Variants in EHD1 observed in about 807,000 individuals in gnomAD.
EHD1 encodes the protein EH domain-containing protein 1.
Under a neutral mutation model 39.0 loss-of-function variants are expected in EHD1, and 19 were observed. The observed-to-expected ratio is 0.49, with a 90% CI of 0.34 to 0.72. The LOEUF is 0.72. Ranked by LOEUF, EHD1 falls within the 30% of genes least tolerant of loss-of-function variation. The pLI, the probability that EHD1 is intolerant of heterozygous loss-of-function variation, is 0.01. For missense variants in EHD1, 542 were observed against 751.5 expected (o/e 0.72, Z 3.26); for synonymous variants, 323 against 331.2 (o/e 0.98, Z 0.27).
intron 2 of EHD1, among the ~76,000 whole-genome samples, chr11:64,864,371 C>T (rs1014446310): frequency 2.6e-5 from 4 of 152,370 alleles, no homozygotes; most frequent in Admixed American, 2.6e-4. Context: ...TTCCAAAGTA[C>T]AAGGCCCCGG....
rs1447700222 is a variant in EHD1 at position 64,853,237 on chromosome 11, G to A, written c.*1096C>T. ...AGGAGGAAGGAAGGTAGGAAATGAA[G>A]GGGGATTACAGAAGGGGCTGGGTTT... On this transcript the variant is annotated 3_prime_UTR_variant, in exon 5 of 5. Transcript: ENST00000320631. 1.3e-5 allele frequency: 2 copies of A among 152,382 alleles called. No individual in the cohort carries two copies. Among genetic ancestry groups the A allele is most frequent in the African/African-American group, 4.8e-5 (2 of 41,476 alleles). 9.4% of individuals were successfully genotyped at this position (152,382 alleles called of 1,614,324 possible). A position where few individuals can be genotyped will look rare whatever the true frequency, so the allele number is the denominator to read the frequency against.
At position 64,853,181 on chromosome 11, in the gene EHD1, T is replaced by C. The variant is rs1943601492; in HGVS notation, c.*1152A>G. ...GGGGGCCAGGGGCGTTGTAAGGACA[T>C]CCAAGTGAGCTGCCCTCCTTTGCTA... On this transcript the variant is annotated 3_prime_UTR_variant, in exon 5 of 5. Coordinates refer to ENST00000320631, the MANE Select transcript of EHD1 (RefSeq NM_006795.4). 6.6e-6 allele frequency: 1 copy of C among 152,228 alleles called. No individual in the cohort carries two copies. Among genetic ancestry groups the C allele is most frequent in the Admixed American group, 6.5e-5 (1 of 15,282 alleles). The allele number at this position is 152,228 out of a possible 1,614,324, so 9.4% of individuals were successfully genotyped here.
In EHD1 at chr11:64,854,633, G is replaced by A. The variant is rs747015075; in HGVS notation, c.1305C>T (p.Asp435=). 3.6e-5 allele frequency: 58 copies of A among 1,613,806 alleles called. No individual in the cohort carries two copies. Among genetic ancestry groups the A allele is most frequent in the African/African-American group, 6.7e-5 (5 of 74,898 alleles). Residue 435 remains aspartate, a synonymous_variant, in exon 5 of 5, where the codon GAC becomes GAT. Coordinates refer to ENST00000320631, the MANE Select transcript of EHD1 (RefSeq NM_006795.4). ...CCTTGCCCACCACCCACTCCACGTC[G>A]TCGATGCCCTCGCCGGCCCCCTCGC... ...GYGEGAGEGI[D]DVEWVVGKDK...
Position 64,866,030 on chromosome 11 carries a change from T to A in EHD1, c.503-5694A>T, listed in dbSNP as rs543986599. On this transcript the variant is annotated intron_variant, in intron 2 of 4. Transcript: ENST00000320631. ...GGGCATAAACCCTAAGGAAGAGAAA[T>A]CATTCTGCCATAAGGACACATGCAC... Among the ~76,000 whole-genome samples the A allele has an allele frequency of 2.2e-4, 33 of 152,194 alleles. No homozygotes were observed. In the South Asian group the frequency reaches 6.2e-3, roughly 29 times the overall value.
At chr11:64,866,324 A>G (rs1943766320) in intron 2 of EHD1, among the ~76,000 whole-genome samples, 1 of 152,192 alleles carries the variant, frequency 6.6e-6, no homozygotes, top group African/African-American at 2.4e-5. Context: ...GGTGTGAAAC[A>G]TTGAGTACAC....
At chr11:64,877,990 G>A (rs1229442863) in intron 1 of EHD1, 71 bp downstream of exon 1, 8 of 1,414,178 alleles carry the variant, frequency 5.7e-6, no homozygotes, top group Non-Finnish European at 7.4e-6. Context: ...GACAGCCACG[G>A]GAGGGTCAGG....
upstream of EHD1, chr11:64,879,658 G>T (rs1247680780): frequency 6.4e-7 from 1 of 1,550,668 alleles, no homozygotes; most frequent in Non-Finnish European, 8.7e-7. Context: ...CATCCTCCCC[G>T]GCCACACACA....
chr11:64,874,039 C>T (rs1394742827), intron 2 of EHD1, among the ~76,000 whole-genome samples: 1 of 150,790 alleles, frequency 6.6e-6, no homozygotes, highest in African/African-American at 2.4e-5. Flanking sequence ...GGTGTGGCGG[C>T]TCACGCCTGT....
intron 2 of EHD1, among the ~76,000 whole-genome samples, chr11:64,866,643 C>T (rs2136489680): frequency 6.6e-6 from 1 of 151,422 alleles, no homozygotes; most frequent in East Asian, 1.9e-4. Flanking sequence ...TGTGCCACTG[C>T]ACTCCCAGCC....
At position 64,878,271 on chromosome 11, in the gene EHD1, C is replaced by T; in HGVS notation, c.194G>A (p.Gly65Glu). The T allele has an allele frequency of 6.2e-7, 1 of 1,614,200 alleles. No homozygotes were observed. The highest frequency in any genetic ancestry group is 8.5e-7 in the Non-Finnish European group (1 of 1,180,040). Residue 65 changes from glycine to glutamate, a missense_variant, in exon 1 of 5, where the codon GGG (glycine) becomes GAG (glutamate). Coordinates refer to ENST00000320631, the MANE Select transcript of EHD1 (RefSeq NM_006795.4). ...GGTGGTCTTGCCCGTGCTGTACTGCCCCACGAGGAGCACCATAGGCTTGTT... is the reference window on the plus strand; with the variant it reads ...GGTGGTCTTGCCCGTGCTGTACTGCTCCACGAGGAGCACCATAGGCTTGTT... ...FDNKPMVLLV[G>E]QYSTGKTTFI...
At chr11:64,867,788 A>G (rs1306496879) in intron 2 of EHD1, among the ~76,000 whole-genome samples, 2 of 152,252 alleles carry the variant, frequency 1.3e-5, no homozygotes, top group African/African-American at 4.8e-5. Context: ...ATTTTATCAC[A>G]ATTTTTAAAA....
At position 64,852,106 on chromosome 11, in the gene EHD1, G is replaced by C. The variant is rs570320332; in HGVS notation, c.*2227C>G. 6 of 152,358 alleles carry C rather than the reference G, an allele frequency of 3.9e-5. No homozygotes were observed. Among genetic ancestry groups the C allele is most frequent in the African/African-American group, 1.4e-4 (6 of 41,556 alleles). 9.4% of individuals were successfully genotyped at this position (152,358 alleles called of 1,614,324 possible). A position where few individuals can be genotyped will look rare whatever the true frequency, so the allele number is the denominator to read the frequency against. On this transcript the variant is annotated 3_prime_UTR_variant, in exon 5 of 5. Transcript: ENST00000320631. ...GTTTCTGTCCTGCCTTCTGCCAGAG[G>C]GGCTGGAGCAGCCTCTACCCATGGC...
In EHD1 at chr11:64,854,812, G is replaced by A. The variant is rs1565715275; in HGVS notation, c.1126C>T (p.Pro376Ser). 6.2e-7 allele frequency: 1 copy of A among 1,601,990 alleles called. No individual in the cohort carries two copies. The highest frequency in any genetic ancestry group is 1.7e-5 in the Admixed American group (1 of 60,022). ...QDFSKFQALK[P>S]KLLDTVDDML... ...TCATCCACCGTGTCCAGCAGCTTGGGCTTCAGCGCCTGGAACTTGCTGAAG... is the reference window on the plus strand; with the variant it reads ...TCATCCACCGTGTCCAGCAGCTTGGACTTCAGCGCCTGGAACTTGCTGAAG... The change falls in exon 5 of 5, where the codon CCC becomes TCC. Residue 376 changes from proline (P) to serine (S), a missense_variant. Transcript: ENST00000320631.
rs751340054 is a variant in EHD1, at chr11:64,854,775, T to G, written c.1163A>C (p.Asn388Thr). 13 of 1,607,432 alleles carry G rather than the reference T, an allele frequency of 8.1e-6. No individual in the cohort carries two copies. The highest frequency in any genetic ancestry group is 1.1e-5 in the Non-Finnish European group (13 of 1,179,974). Residue 388 changes from asparagine (N) to threonine (T), a missense_variant, in exon 5 of 5, where the codon AAC becomes ACC. Asn to Thr is a moderately conservative substitution (Grantham distance 65, BLOSUM62 0). Coordinates refer to ENST00000320631, the MANE Select transcript of EHD1 (RefSeq NM_006795.4). The part of the protein sequence containing the change: ...LLDTVDDMLA[N>T]DIARLMVMVR... ...CATCACCATCAGCCGCGCGATGTCG[T>G]TGGCCAGCATGTCATCCACCGTGTC...
At chr11:64,876,218 G>A (rs1943883940) in intron 1 of EHD1, among the ~76,000 whole-genome samples, 1 of 152,222 alleles carries the variant, frequency 6.6e-6, no homozygotes, top group Admixed American at 6.5e-5. Flanking sequence ...GCCACATAGG[G>A]GGAGAAGGCC....
chr11:64,859,727 A>C (rs2136480181), intron 3 of EHD1, 197 bp downstream of exon 3: 9 of 715,746 alleles, frequency 1.3e-5, no homozygotes, highest in African/African-American at 1.8e-5. Context: ...GAGGCCGGGT[A>C]GAGAATCTTA....
At chr11:64,864,830 C>T (rs1269858922) in intron 2 of EHD1, among the ~76,000 whole-genome samples, 1 of 152,126 alleles carries the variant, frequency 6.6e-6, no homozygotes. Flanking sequence ...GGAGTCAGGA[C>T]GGCGCCTGGG....
At chr11:64,857,993 G>A (rs1943671526) in intron 3 of EHD1, among the ~76,000 whole-genome samples, 1 of 150,904 alleles carries the variant, frequency 6.6e-6, no homozygotes, top group Non-Finnish European at 1.5e-5. Flanking sequence ...GCTCCGGCCT[G>A]GCTGGCCTGG....
intron 3 of EHD1, among the ~76,000 whole-genome samples, chr11:64,857,296 C>T (rs773704949): frequency 1.3e-5 from 2 of 152,020 alleles, no homozygotes; most frequent in South Asian, 2.1e-4. Context: ...TGGTGACGGG[C>T]GCCTGCAATC....
Sources: allele counts gnomAD v4.1 joint callset (sites outside exome capture counted in the v4.1 genomes callset), GRCh38; gene constraint gnomAD v4.1.1; transcripts MANE v1.5; gene names NCBI Gene and HGNC (gene_info 2026-07-23, HGNC 2026-07-21).